The following MECOM variants were observed in gnomAD, a reference collection of about 807,000 sequenced individuals.
MECOM encodes the protein MDS1 and EVI1 complex locus, also known as histone-lysine N-methyltransferase MECOM.
MECOM carries 13 observed loss-of-function variants against 116.3 expected under a neutral mutation model. The ratio of observed to expected loss-of-function variants is 0.11; its 90% CI spans 0.07 to 0.18. MECOM has a LOEUF of 0.18. MECOM is among the 10% of genes least tolerant of loss of function. The pLI is 1.00. For missense variants in MECOM, 1,299 were observed against 1,509.0 expected (o/e 0.86, Z 2.31); for synonymous variants, 528 against 535.2 (o/e 0.99, Z 0.19).
chr3:169,099,572 C>A lies in MECOM; in HGVS notation c.2849+1313G>T, dbSNP rs375705627. Among the ~76,000 whole-genome samples the A allele has an allele frequency of 2.6e-5, 4 of 151,444 alleles. No individual in the cohort carries two copies. The Admixed American group carries it at 2.6e-4, about 10-fold the overall frequency. ...TCCCTCTAGCTTTCTTCTAAGATTT[C>A]AATTATCCTCAAATGACCCATTTTC... On this transcript the variant is annotated intron_variant, in intron 12 of 16. Transcript: ENST00000651503.
intron 1 of MECOM, among the ~76,000 whole-genome samples, chr3:169,444,863 G>C (rs1223051341): frequency 6.6e-6 from 1 of 152,204 alleles, no homozygotes; most frequent in African/African-American, 2.4e-5. Context: ...CTCAGATGGA[G>C]ATGAGGAACT....
At chr3:169,532,133 G>A (rs935718588) in intron 1 of MECOM, among the ~76,000 whole-genome samples, 1 of 152,202 alleles carries the variant, frequency 6.6e-6, no homozygotes, top group Non-Finnish European at 1.5e-5. Context: ...CCCTAGACCA[G>A]TGTTACCAAA....
chr3:169,568,942 A>G lies in MECOM; in HGVS notation c.37+94394T>C, dbSNP rs972952865. 1.9e-4 allele frequency among the ~76,000 whole-genome samples: 29 copies of G among 152,212 alleles called. 1 individual carries two copies. Among genetic ancestry groups the G allele is most frequent in the Non-Finnish European group, 4.1e-4 (28 of 68,034 alleles). On this transcript the variant is annotated intron_variant, in intron 1 of 16. Coordinates refer to ENST00000651503, the MANE Select transcript of MECOM (RefSeq NM_004991.4). ...GAAGAAACTGCATCAACTAACGGGC[A>G]AAATAACCAGCTAGCATCATAATGA...
At chr3:169,174,098 C>T (rs1744816888) in intron 2 of MECOM, among the ~76,000 whole-genome samples, 2 of 152,162 alleles carry the variant, frequency 1.3e-5, no homozygotes, top group African/African-American at 4.8e-5. Flanking sequence ...ATTTCATCTC[C>T]AGAAATGATG....
intron 2 of MECOM, among the ~76,000 whole-genome samples, chr3:169,315,048 T>G (rs1197731788): frequency 6.6e-6 from 1 of 152,170 alleles, no homozygotes; most frequent in African/African-American, 2.4e-5. Context: ...ATGGGGAAAT[T>G]GAGGCCCTGA....
chr3:169,548,689 G>A (rs1024232660), intron 1 of MECOM, among the ~76,000 whole-genome samples: 4 of 152,172 alleles, frequency 2.6e-5, no homozygotes, highest in Admixed American at 1.3e-4. Flanking sequence ...AAATACTAGA[G>A]GAGATAAGGT....
chr3:169,183,542 A>G (rs981102811), intron 2 of MECOM, among the ~76,000 whole-genome samples: 1 of 152,074 alleles, frequency 6.6e-6, no homozygotes, highest in African/African-American at 2.4e-5. Flanking sequence ...TTGCTGAAAA[A>G]TGTTCTTTGG....
chr3:169,201,938 G>C (rs1749206692), intron 2 of MECOM, among the ~76,000 whole-genome samples: 1 of 151,966 alleles, frequency 6.6e-6, no homozygotes, highest in African/African-American at 2.4e-5. Flanking sequence ...CCTGGCCTTT[G>C]TGTATTCTCC....
At chr3:169,444,889 C>A (rs1744350900) in intron 1 of MECOM, among the ~76,000 whole-genome samples, 1 of 152,166 alleles carries the variant, frequency 6.6e-6, no homozygotes, top group African/African-American at 2.4e-5. Context: ...GAAACTGGAG[C>A]AAAGGTGACT....
chr3:169,192,021 G>A (rs1343713680), intron 2 of MECOM, among the ~76,000 whole-genome samples: 9 of 151,954 alleles, frequency 5.9e-5, no homozygotes, highest in Non-Finnish European at 8.8e-5. Flanking sequence ...TTGTGTCTCT[G>A]CTGATTCTAC....
At chr3:169,653,546 A>G (rs747933815) in intron 1 of MECOM, among the ~76,000 whole-genome samples, 11 of 152,216 alleles carry the variant, frequency 7.2e-5, no homozygotes, top group Non-Finnish European at 1.5e-4. Context: ...AGTGTACAGT[A>G]TGGGTAGATT....
intron 2 of MECOM, among the ~76,000 whole-genome samples, chr3:169,230,943 G>C (rs1753316923): frequency 6.6e-6 from 1 of 151,932 alleles, no homozygotes; most frequent in South Asian, 2.1e-4. Context: ...AAAATATATT[G>C]TCTTTTTAAC....
chr3:169,416,609 G>A (rs1021710323), intron 1 of MECOM, among the ~76,000 whole-genome samples: 2 of 151,316 alleles, frequency 1.3e-5, no homozygotes, highest in Non-Finnish European at 3.0e-5. Flanking sequence ...TTTAAAAAAG[G>A]ATGAACAAAA....
At chr3:169,124,142 G>A (rs1038675754) in intron 5 of MECOM, among the ~76,000 whole-genome samples, 1 of 152,062 alleles carries the variant, frequency 6.6e-6, no homozygotes, top group African/African-American at 2.4e-5. Flanking sequence ...GTGACTTCGG[G>A]TAGAAATAAA....
chr3:169,161,719 T>C (rs970667336), intron 2 of MECOM, among the ~76,000 whole-genome samples: 2 of 152,172 alleles, frequency 1.3e-5, no homozygotes, highest in Admixed American at 6.5e-5. Context: ...ACACTTCCGA[T>C]AAACAGAATG....
intron 2 of MECOM, among the ~76,000 whole-genome samples, chr3:169,378,986 A>G (rs1429892712): frequency 6.6e-6 from 1 of 151,842 alleles, no homozygotes; most frequent in East Asian, 1.9e-4. Flanking sequence ...GAGAGGTCAC[A>G]CTAGTTAATC....
intron 2 of MECOM, among the ~76,000 whole-genome samples, chr3:169,150,907 G>C (rs900170777): frequency 2.6e-5 from 4 of 152,084 alleles, no homozygotes; most frequent in African/African-American, 9.7e-5. Context: ...CCCTCCTCAG[G>C]CCCCTTCCTT....
intron 2 of MECOM, among the ~76,000 whole-genome samples, chr3:169,195,028 G>C (rs1456654726): frequency 6.6e-6 from 1 of 152,014 alleles, no homozygotes; most frequent in Non-Finnish European, 1.5e-5. Flanking sequence ...GCAAGTTATA[G>C]AACATCTTTC....
intron 2 of MECOM, among the ~76,000 whole-genome samples, chr3:169,273,719 G>A (rs1161404645): frequency 4.6e-5 from 7 of 152,004 alleles, no homozygotes; most frequent in South Asian, 4.2e-4. Flanking sequence ...GGGTAGAATC[G>A]TTGCTCATCC....
Sources: gnomAD v4.1 joint callset for allele counts (sites outside exome capture counted in the v4.1 genomes callset) on GRCh38, gnomAD v4.1.1 for gene constraint, MANE v1.5 for transcripts, NCBI Gene and HGNC (gene_info 2026-07-23, HGNC 2026-07-21) for gene names.